The following JKAMP variants were observed in gnomAD, a reference collection of about 807,000 sequenced individuals.
JKAMP encodes JNK1/MAPK8-associated membrane protein.
In JKAMP, 20 loss-of-function variants were observed where a neutral mutation model predicts 40.2. The ratio of observed to expected loss-of-function variants is 0.50; its 90% CI spans 0.35 to 0.72. JKAMP has a LOEUF of 0.72. JKAMP is among the 30% of genes least tolerant of loss of function. JKAMP has a pLI of 0.01. For synonymous variants in JKAMP, 138 were observed against 131.6 expected, an observed-to-expected ratio of 1.05 and a Z score of -0.33; for missense variants, 276 against 373.0, an observed-to-expected ratio of 0.74 and a Z score of 2.14.
chr14:59,502,832 A>G (rs1276897697), intron 6 of JKAMP, among the ~76,000 whole-genome samples: 1 of 133,844 alleles, frequency 7.5e-6, no homozygotes, highest in Non-Finnish European at 1.5e-5. Context: ...GCTCACTGCA[A>G]CTTCCACCTC....
intron 5 of JKAMP, 50 bp downstream of exon 5, chr14:59,498,958 T>A: frequency 1.0e-6 from 1 of 995,102 alleles, no homozygotes; most frequent in Non-Finnish European, 1.4e-6. Flanking sequence ...TTGTATGTAG[T>A]AATATTTCCT....
At chr14:59,496,973 T>C (rs7158969) in intron 4 of JKAMP, among the ~76,000 whole-genome samples, 60,731 of 151,178 alleles carry the variant, frequency 0.4, 13,186 homozygotes, top group African/African-American at 0.56. Flanking sequence ...CCGAAGGTTG[T>C]AGGGCTACCA....
chr14:59,490,851 G>T (rs1053233332), intron 3 of JKAMP, among the ~76,000 whole-genome samples: 1 of 152,176 alleles, frequency 6.6e-6, no homozygotes. Context: ...CAGTAAAGAA[G>T]AGCTAACAGG....
intron 3 of JKAMP, among the ~76,000 whole-genome samples, chr14:59,488,291 G>A (rs1890731318): frequency 6.6e-6 from 1 of 152,024 alleles, no homozygotes. Flanking sequence ...GATCAGGGAA[G>A]GAGATATAAA....
At chr14:59,490,536 T>A (rs1343361764) in intron 3 of JKAMP, among the ~76,000 whole-genome samples, 3 of 152,170 alleles carry the variant, frequency 2.0e-5, no homozygotes, top group Non-Finnish European at 4.4e-5. Context: ...AGATATTTAA[T>A]AGAAGACTGT....
chr14:59,499,347 A>G (rs1891700918), intron 5 of JKAMP, among the ~76,000 whole-genome samples: 1 of 151,970 alleles, frequency 6.6e-6, no homozygotes, highest in East Asian at 1.9e-4. Flanking sequence ...AGAAATAAAA[A>G]CTGGTTTTTA....
At chr14:59,502,591 A>G (rs1173500694) in intron 6 of JKAMP, among the ~76,000 whole-genome samples, 1 of 152,140 alleles carries the variant, frequency 6.6e-6, no homozygotes, top group African/African-American at 2.4e-5. Context: ...AGTTGTTTTC[A>G]TCTGTAGATG....
intron 3 of JKAMP, among the ~76,000 whole-genome samples, chr14:59,489,266 A>G (rs1427060733): frequency 6.6e-6 from 1 of 152,248 alleles, no homozygotes; most frequent in Non-Finnish European, 1.5e-5. Flanking sequence ...AAGCAGCCAC[A>G]GCACATCTTG....
At position 59,486,458 on chromosome 14, in the gene JKAMP, G is replaced by GAGAT. The variant is rs1290676020; in HGVS notation, c.5-250_5-247dup. 4.3e-4 allele frequency among the ~76,000 whole-genome samples: 66 copies of GAGAT among 152,326 alleles called. 1 individual carries two copies. Among genetic ancestry groups the GAGAT allele is most frequent in the Non-Finnish European group, 1.2e-4 (8 of 68,026 alleles). On this transcript the variant is annotated intron_variant, in intron 1 of 6. Coordinates refer to ENST00000616435, the MANE Select transcript of JKAMP (RefSeq NM_016475.5). ...ATACCGGGTTAGGCTTTGAGTCCTG[G>GAGAT]AGATAGATCCTGCTCTGCTGGTTGA...
rs769015286 is a variant in JKAMP at position 59,495,077 on chromosome 14, T to C, written c.311T>C (p.Ile104Thr). The C allele has an allele frequency of 6.2e-7, 1 of 1,613,960 alleles. No individual in the cohort carries two copies. Among genetic ancestry groups the C allele is most frequent in the Non-Finnish European group, 8.5e-7 (1 of 1,179,832 alleles). ...TTTGAATGCAGCATGGCAGCTATTA[T>C]CACCTTACTTGTGAGTGATCCAGTT... ...ALFECSMAAIITLLVSDPVGV... is the reference protein window; with the variant it reads ...ALFECSMAAITTLLVSDPVGV... Residue 104 changes from isoleucine to threonine, a missense_variant, in exon 4 of 7, where the codon ATC (isoleucine) becomes ACC (threonine). Transcript: ENST00000616435.
intron 5 of JKAMP, among the ~76,000 whole-genome samples, 184 bp downstream of exon 5, chr14:59,499,092 C>T (rs10133610): frequency 0.42 from 55,493 of 132,874 alleles, 11,679 homozygotes; most frequent in Middle Eastern, 0.57. Context: ...GGCATGATCT[C>T]GGTTCACTGC....
chr14:59,498,959 A>G, intron 5 of JKAMP, 51 bp downstream of exon 5: 1 of 971,992 alleles, frequency 1.0e-6, no homozygotes, highest in Non-Finnish European at 1.4e-6. Context: ...TGTATGTAGT[A>G]ATATTTCCTC....
chr14:59,487,767 A>G lies in JKAMP; in HGVS notation c.190A>G (p.Met64Val). 1 of 1,613,516 alleles carries G rather than the reference A, an allele frequency of 6.2e-7. No homozygotes were observed. The highest frequency in any genetic ancestry group is 8.5e-7 in the Non-Finnish European group (1 of 1,179,558). Residue 64 changes from methionine to valine, a missense_variant, in exon 3 of 7, where the codon ATG becomes GTG. Coordinates refer to ENST00000616435, the MANE Select transcript of JKAMP (RefSeq NM_016475.5). ...ELYDWLYLGF[M>V]AMLPLVLHWF... is the part of the protein sequence containing the mutation. ...TTATGATTGGCTCTATCTTGGATTT[A>G]TGGCAATGCTTCCTCTGGTTTTACA...
intron 5 of JKAMP, among the ~76,000 whole-genome samples, chr14:59,499,503 T>C (rs971031785): frequency 6.6e-6 from 1 of 152,252 alleles, no homozygotes; most frequent in South Asian, 2.1e-4. Flanking sequence ...TTAATTCATT[T>C]GTTTAGTAAC....
intron 3 of JKAMP, among the ~76,000 whole-genome samples, chr14:59,488,085 T>G (rs1327888600): frequency 6.6e-6 from 1 of 152,150 alleles, no homozygotes; most frequent in Non-Finnish European, 1.5e-5. Context: ...CTATAATCCT[T>G]ATTGGTTTTC....
In JKAMP at chr14:59,487,813, A is replaced by G; in HGVS notation, c.236A>G (p.Tyr79Cys). 1 of 1,613,524 alleles carries G rather than the reference A, an allele frequency of 6.2e-7. No homozygotes were observed. The change falls in exon 3 of 7, where the codon TAC (tyrosine) becomes TGC (cysteine). Residue 79 changes from tyrosine to cysteine, a missense_variant. Tyr to Cys is a radical substitution (Grantham distance 194, BLOSUM62 -2). Coordinates refer to ENST00000616435, the MANE Select transcript of JKAMP (RefSeq NM_016475.5). Reference protein sequence around the residue: ...LVLHWFFIEWYSGKKSSSALF... With the variant: ...LVLHWFFIEWCSGKKSSSALF... ...TTACATTGGTTCTTCATTGAATGGTACTCGGGGAAAAAGAGGTTAGCACAT... is the reference window on the plus strand; with the variant it reads ...TTACATTGGTTCTTCATTGAATGGTGCTCGGGGAAAAAGAGGTTAGCACAT...
intron 3 of JKAMP, among the ~76,000 whole-genome samples, chr14:59,488,331 T>C (rs940473628): frequency 3.9e-5 from 6 of 152,164 alleles, no homozygotes; most frequent in African/African-American, 1.4e-4. Context: ...AGTCATAATC[T>C]TGTGGAGAAA....
chr14:59,485,253 C>T (rs1890446297), intron 1 of JKAMP: 2 of 830,616 alleles, frequency 2.4e-6, no homozygotes, highest in African/African-American at 1.7e-5. Flanking sequence ...ACAGAAGTTT[C>T]CAATTCCTTA....
Position 59,504,006 on chromosome 14 carries a change from T to C in JKAMP, c.870T>C (p.Phe290=). Residue 290 remains phenylalanine (F), a synonymous_variant, in exon 7 of 7, where the codon TTT becomes TTC. Coordinates refer to ENST00000616435, the MANE Select transcript of JKAMP (RefSeq NM_016475.5). ...CTTTGGTACCTACACCAGCCCTTTT[T>C]TACTTGTTCACTGCAAAATTTACCG... is the stretch of plus-strand genomic sequence containing the variant. ...LLALVPTPAL[F]YLFTAKFTEP... 2 of 1,613,852 alleles carry C rather than the reference T, an allele frequency of 1.2e-6. No individual in the cohort carries two copies. Among genetic ancestry groups the C allele is most frequent in the South Asian group, 1.1e-5 (1 of 91,078 alleles).
Sources: gnomAD v4.1 joint callset for allele counts (sites outside exome capture counted in the v4.1 genomes callset) on GRCh38, gnomAD v4.1.1 for gene constraint, MANE v1.5 for transcripts, NCBI Gene and HGNC (gene_info 2026-07-23, HGNC 2026-07-21) for gene names.